Variants in DGKI observed in about 807,000 individuals in gnomAD.
DGKI encodes the protein diacylglycerol kinase iota.
In DGKI, 55 loss-of-function variants were observed where a neutral mutation model predicts 147.5. The observed-to-expected ratio is 0.37, with a 90% CI of 0.30 to 0.47. DGKI has a LOEUF of 0.47. DGKI is among the 20% of genes least tolerant of loss of function. The pLI, the probability that DGKI is intolerant of heterozygous loss-of-function variation, is 1.00. For synonymous variants in DGKI, 469 were observed against 477.1 expected (o/e 0.98, Z 0.22); for missense variants, 1,007 against 1,323.8 (o/e 0.76, Z 3.71).
rs1351890352 is a variant in DGKI, at chr7:137,397,419, T to A, written c.2921-6A>T. 1.2e-6 allele frequency: 2 copies of A among 1,611,654 alleles called. No homozygotes were observed. Among genetic ancestry groups the A allele is most frequent in the African/African-American group, 2.7e-5 (2 of 74,844 alleles). On this transcript the variant is annotated splice_region_variant and splice_polypyrimidine_tract_variant and intron_variant, in intron 30 of 32. Coordinates refer to ENST00000614521, the MANE Select transcript of DGKI (RefSeq NM_001321708.2). ...ATCCAATAACTCGGAAGGTCCTAAA[T>A]AAGAAGAAAGCAAGATGACCGTCAA... is the stretch of plus-strand genomic sequence containing the variant.
At chr7:137,398,178 C>T (rs1395412328) in intron 30 of DGKI, among the ~76,000 whole-genome samples, 2 of 152,182 alleles carry the variant, frequency 1.3e-5, no homozygotes, top group Non-Finnish European at 2.9e-5. Context: ...TACAATCCCT[C>T]ACTTTATGTA....
chr7:137,488,740 G>T (rs1308821215), intron 21 of DGKI, among the ~76,000 whole-genome samples: 1 of 151,840 alleles, frequency 6.6e-6, no homozygotes, highest in East Asian at 1.9e-4. Flanking sequence ...AAGTACTAGG[G>T]CCTTAAAAAT....
Position 137,846,399 on chromosome 7 carries a change from G to A in DGKI, c.401+63C>T. The A allele has an allele frequency of 8.8e-7, 1 of 1,132,100 alleles. No homozygotes were observed. The highest frequency in any genetic ancestry group is 1.2e-6 in the Non-Finnish European group (1 of 863,672). 70.1% of individuals were successfully genotyped at this position (1,132,100 alleles called of 1,614,324 possible). The stretch of plus-strand genomic sequence containing the variant: ...CAACTCCGCGGAAGCGCCCCTTGCT[G>A]GGTAGAAGAGTGGGTCTCCCGCCGC... On this transcript the variant is annotated intron_variant, in intron 1 of 32. Transcript: ENST00000614521. The surrounding 1 kb of genome is among the most constrained non-coding windows in gnomAD (Gnocchi z 4.0).
intron 6 of DGKI, among the ~76,000 whole-genome samples, chr7:137,639,382 T>C (rs1821539677): frequency 6.6e-6 from 1 of 152,212 alleles, no homozygotes; most frequent in Non-Finnish European, 1.5e-5. Context: ...GAGGACCATC[T>C]GATCAGGGAA....
chr7:137,760,657 A>G (rs1795830121), intron 1 of DGKI, among the ~76,000 whole-genome samples: 1 of 152,214 alleles, frequency 6.6e-6, no homozygotes, highest in African/African-American at 2.4e-5. Flanking sequence ...GGGAGAGAGG[A>G]GAGCCAGAAG....
intron 12 of DGKI, among the ~76,000 whole-genome samples, chr7:137,597,003 C>A (rs1819820996): frequency 6.6e-6 from 1 of 152,166 alleles, no homozygotes; most frequent in South Asian, 2.1e-4. Context: ...ATTCTCAATT[C>A]TTTACTTTGT....
At chr7:137,748,787 T>C (rs990084850) in intron 1 of DGKI, among the ~76,000 whole-genome samples, 2 of 152,132 alleles carry the variant, frequency 1.3e-5, no homozygotes, top group African/African-American at 4.8e-5. Context: ...CTAAAAACCA[T>C]TAGAAAAAAA....
chr7:137,646,790 T>TA (rs1821841199), intron 5 of DGKI, among the ~76,000 whole-genome samples: 1 of 152,152 alleles, frequency 6.6e-6, no homozygotes, highest in Non-Finnish European at 1.5e-5. Context: ...TATTAGTACG[T>TA]ACAGATGGAC....
At chr7:137,617,174 G>A (rs1164291175) in intron 8 of DGKI, among the ~76,000 whole-genome samples, 3 of 140,362 alleles carry the variant, frequency 2.1e-5, no homozygotes, top group Non-Finnish European at 4.6e-5. Context: ...ATATAATTGA[G>A]TCTCTGGGTC....
chr7:137,817,588 A>G (rs544196519), intron 1 of DGKI, among the ~76,000 whole-genome samples: 6 of 152,336 alleles, frequency 3.9e-5, no homozygotes, highest in African/African-American at 7.2e-5. Flanking sequence ...CCCCCAATAC[A>G]GTCCTATAGT....
At position 137,521,878 on chromosome 7, in the gene DGKI, GT is replaced by G; in HGVS notation, c.2235del (p.Lys745AsnfsTer12). ...ACTTCCAACTTACAAGCTTCTCGGA[GT>G]TTCTCCTTGTCATAGTGGAATCCTT... The part of the protein sequence containing the change: ...DYEGFHYDKE[K>X]LREASIPLGI... On this transcript the variant is annotated frameshift_variant, in exon 21 of 33. Coordinates refer to ENST00000614521, the MANE Select transcript of DGKI (RefSeq NM_001321708.2). LOFTEE classifies it high-confidence loss of function. The G allele has an allele frequency of 6.2e-7, 1 of 1,610,892 alleles. No homozygotes were observed.
chr7:137,723,699 CTTTTTTTTTTT>C (rs769605042), intron 1 of DGKI, among the ~76,000 whole-genome samples: 3 of 104,436 alleles, frequency 2.9e-5, no homozygotes, highest in African/African-American at 9.3e-5. Context: ...CATGATATCC[CTTTTTTTTTTT>C]TTTTTTTTTT....
chr7:137,579,885 T>G (rs772365925), intron 15 of DGKI, among the ~76,000 whole-genome samples: 4 of 152,150 alleles, frequency 2.6e-5, no homozygotes, highest in Non-Finnish European at 5.9e-5. Context: ...ATTTGCATAT[T>G]CCACTCTAAA....
intron 28 of DGKI, among the ~76,000 whole-genome samples, chr7:137,434,101 A>G (rs1369278979): frequency 6.8e-6 from 1 of 147,666 alleles, no homozygotes; most frequent in East Asian, 2.1e-4. Flanking sequence ...CTTGGGTGGC[A>G]CAGTGAAACT....
At chr7:137,788,639 C>T (rs371435162) in intron 1 of DGKI, among the ~76,000 whole-genome samples, 3 of 63,506 alleles carry the variant, frequency 4.7e-5, no homozygotes, top group African/African-American at 2.4e-4. Context: ...CATAAATACA[C>T]ACACACACAC....
intron 10 of DGKI, among the ~76,000 whole-genome samples, chr7:137,606,766 C>A (rs2128992015): frequency 6.6e-6 from 1 of 152,308 alleles, no homozygotes; most frequent in Non-Finnish European, 1.5e-5. Flanking sequence ...TCCATAGGAT[C>A]ATTCTAATCT....
In DGKI at chr7:137,587,115, T is replaced by G. The variant is rs551976625; in HGVS notation, c.1407A>C (p.Arg469=). The G allele has an allele frequency of 6.2e-7, 1 of 1,608,214 alleles. No homozygotes were observed. The highest frequency in any genetic ancestry group is 1.3e-5 in the African/African-American group (1 of 74,546). ...TTCTTACCCCTCCCCAGTTGAGAGT[T>G]CGAGCCAGGTCATTCCCAGTCCCCA... The part of the protein sequence containing the change: ...LPLGTGNDLA[R]TLNWGGGYTD... The change falls in exon 13 of 33, where the codon CGA becomes CGC. Residue 469 remains arginine, a synonymous_variant. Transcript: ENST00000614521.
intron 1 of DGKI, among the ~76,000 whole-genome samples, chr7:137,720,135 T>G (rs912471160): frequency 1.6e-4 from 25 of 152,098 alleles, no homozygotes; most frequent in African/African-American, 5.8e-4. Flanking sequence ...ACACTAGAGC[T>G]GTAATACTTG....
intron 1 of DGKI, among the ~76,000 whole-genome samples, chr7:137,725,493 C>T (rs186606244): frequency 8.8e-4 from 134 of 151,564 alleles, no homozygotes; most frequent in East Asian, 5.1e-3. Context: ...CATCACAAGA[C>T]GATAAAGCCT....
Sources: allele counts gnomAD v4.1 joint callset (sites outside exome capture counted in the v4.1 genomes callset), GRCh38; gene constraint gnomAD v4.1.1; non-coding constraint Gnocchi (gnomAD v3.1); transcripts MANE v1.5; gene names NCBI Gene and HGNC (gene_info 2026-07-23, HGNC 2026-07-21).